The following ARHGEF5 variants were observed in gnomAD, a reference collection of about 807,000 sequenced individuals.
ARHGEF5 encodes Rho guanine nucleotide exchange factor (GEF) 5.
Under a neutral mutation model 104.0 loss-of-function variants are expected in ARHGEF5, and 11 were observed. That is an observed-to-expected ratio of 0.11 (90% confidence interval 0.07 to 0.18). The LOEUF (loss-of-function observed/expected upper bound fraction) is 0.18, where lower values mean the gene tolerates loss of function less well. Ranked by LOEUF, ARHGEF5 falls within the 10% of genes least tolerant of loss-of-function variation. The pLI is 1.00. For missense variants in ARHGEF5, 165 were observed against 1,335.4 expected (o/e 0.12, Z 13.66); for synonymous variants, 60 against 512.2 (o/e 0.12, Z 11.92).
intron 1 of ARHGEF5, among the ~76,000 whole-genome samples, chr7:144,360,355 C>T (rs1250390005): frequency 9.8e-6 from 1 of 101,974 alleles, no homozygotes; most frequent in Non-Finnish European, 2.1e-5. Context: ...AAGCAATCAA[C>T]CTGCCTCAGC....
rs200973815 is a variant in ARHGEF5 at position 144,378,865 on chromosome 7, C to T, written c.4635C>T (p.Asp1545=). The part of the protein sequence containing the change: ...DVVMVTQQSS[D]GWLEGVRLSD... ...TGATGGTGACTCAGCAGAGCAGTGACGGTAAGCGGGAGCATGCGTGAGCAG... is the reference window on the plus strand; with the variant it reads ...TGATGGTGACTCAGCAGAGCAGTGATGGTAAGCGGGAGCATGCGTGAGCAG... The change falls in exon 14 of 15, where the codon GAC becomes GAT. Residue 1545 remains aspartate, a splice_region_variant and synonymous_variant. Coordinates refer to ENST00000056217, the MANE Select transcript of ARHGEF5 (RefSeq NM_005435.4). 132 of 1,613,614 alleles carry T rather than the reference C, an allele frequency of 8.2e-5. No individual in the cohort carries two copies. The highest frequency in any genetic ancestry group is 1.1e-4 in the Non-Finnish European group (126 of 1,179,706).
At position 144,379,907 on chromosome 7, in the gene ARHGEF5, G is replaced by A. The variant is rs780850417; in HGVS notation, c.4645G>A (p.Glu1549Lys). Reference protein sequence around the residue: ...VTQQSSDGWLEGVRLSDGERG... With the variant: ...VTQQSSDGWLKGVRLSDGERG... ...TCACCCTGTGCCCACAGGCTGGCTGGAGGGCGTGAGGCTCTCAGACGGGGA... is the reference window on the plus strand; with the variant it reads ...TCACCCTGTGCCCACAGGCTGGCTGAAGGGCGTGAGGCTCTCAGACGGGGA... Residue 1549 changes from glutamate to lysine, a missense_variant, in exon 15 of 15, where the codon GAG becomes AAG. Coordinates refer to ENST00000056217, the MANE Select transcript of ARHGEF5 (RefSeq NM_005435.4). 1 of 1,614,188 alleles carries A rather than the reference G, an allele frequency of 6.2e-7. No homozygotes were observed. Among genetic ancestry groups the A allele is most frequent in the East Asian group, 2.2e-5 (1 of 44,874 alleles).
At chr7:144,379,761 A>C in intron 14 of ARHGEF5, 138 bp from the exon 15 acceptor site, 1 of 1,139,180 alleles carries the variant, frequency 8.8e-7, no homozygotes, top group Non-Finnish European at 1.3e-6. Context: ...ATGTTAGGAC[A>C]CTTGGAGGCT....
intron 14 of ARHGEF5, among the ~76,000 whole-genome samples, chr7:144,379,618 C>T (rs2053785950): frequency 6.6e-6 from 1 of 152,124 alleles, no homozygotes; most frequent in Non-Finnish European, 1.5e-5. Context: ...AACCTCATTC[C>T]CCATAAGGTC....
rs1208133872 is a variant in ARHGEF5, at chr7:144,380,106, A to G, written c.*50A>G. The G allele has an allele frequency of 3.1e-6, 5 of 1,610,614 alleles. No homozygotes were observed. The East Asian group carries it at 8.9e-5, about 29-fold the overall frequency. On this transcript the variant is annotated 3_prime_UTR_variant, in exon 15 of 15. Transcript: ENST00000056217. ...AGCTGAAGAACAAGCTGCTCATGGC[A>G]AGGGCTGGCCCCAGAACCCTGCAAG...
At chr7:144,370,577 C>T (rs1398994559) in intron 5 of ARHGEF5, among the ~76,000 whole-genome samples, 15 of 150,578 alleles carry the variant, frequency 1.0e-4, no homozygotes, top group African/African-American at 2.9e-4. Context: ...GCAATCCTTC[C>T]GCCTCAGCCT....
At position 144,377,303 on chromosome 7, in the gene ARHGEF5, G is replaced by A. The variant is rs373697388; in HGVS notation, c.4531+113G>A. 2.8e-5 allele frequency: 43 copies of A among 1,530,874 alleles called. No individual in the cohort carries two copies. In the East Asian group the frequency reaches 5.0e-4, roughly 18 times the overall value. 94.8% of individuals were successfully genotyped at this position (1,530,874 alleles called of 1,614,324 possible). ...CTAGGCTTTCATTTATTGATATTCC[G>A]TAAAATGTCAGGGTGGAAGATTGGC... On this transcript the variant is annotated intron_variant, in intron 13 of 14. Transcript: ENST00000056217.
rs1016475493 is a variant in ARHGEF5, at chr7:144,380,276, C to A, written c.*220C>A. The A allele has an allele frequency of 3.9e-6, 2 of 511,338 alleles. No individual in the cohort carries two copies. Among genetic ancestry groups the A allele is most frequent in the East Asian group, 3.3e-5 (1 of 30,728 alleles). 31.7% of individuals were successfully genotyped at this position (511,338 alleles called of 1,614,324 possible). A position where few individuals can be genotyped will look rare whatever the true frequency, so the allele number is the denominator to read the frequency against. ...GGGACTTTGCACTGGACTCTGGGAA[C>A]CTTTCATCATTAAAAAAAGGGGGAC... On this transcript the variant is annotated 3_prime_UTR_variant, in exon 15 of 15. Coordinates refer to ENST00000056217, the MANE Select transcript of ARHGEF5 (RefSeq NM_005435.4).
At chr7:144,377,278 C>T in intron 13 of ARHGEF5, 88 bp downstream of exon 13, 1 of 1,551,888 alleles carries the variant, frequency 6.4e-7, no homozygotes, top group Non-Finnish European at 8.7e-7. Context: ...GGTGGGAACT[C>T]TAGGCTTTCA....
rs2053767978 is a variant in ARHGEF5, at chr7:144,377,304, T to C, written c.4531+114T>C. 4 of 1,532,618 alleles carry C rather than the reference T, an allele frequency of 2.6e-6. No homozygotes were observed. In the South Asian group the frequency reaches 4.9e-5, roughly 19 times the overall value. The allele number at this position is 1,532,618 out of a possible 1,614,324, so 94.9% of individuals were successfully genotyped here. ...TAGGCTTTCATTTATTGATATTCCG[T>C]AAAATGTCAGGGTGGAAGATTGGCC... is the stretch of plus-strand genomic sequence containing the variant. On this transcript the variant is annotated intron_variant, in intron 13 of 14. Transcript: ENST00000056217.
At chr7:144,378,418 G>A (rs1481598376) in intron 13 of ARHGEF5, among the ~76,000 whole-genome samples, 1 of 152,156 alleles carries the variant, frequency 6.6e-6, no homozygotes, top group Non-Finnish European at 1.5e-5. Flanking sequence ...TAAATGCCTT[G>A]GCATGAACAA....
In ARHGEF5 at chr7:144,378,882, C is replaced by T. The variant is rs764128621; in HGVS notation, c.4636+16C>T. 141 of 1,609,576 alleles carry T rather than the reference C, an allele frequency of 8.8e-5. No individual in the cohort carries two copies. Among genetic ancestry groups the T allele is most frequent in the Middle Eastern group, 1.6e-4 (1 of 6,074 alleles). On this transcript the variant is annotated intron_variant, in intron 14 of 14. Coordinates refer to ENST00000056217, the MANE Select transcript of ARHGEF5 (RefSeq NM_005435.4). ...AGCAGTGACGGTAAGCGGGAGCATG[C>T]GTGAGCAGCAGGCCAGGCACTGCAG... is the stretch of plus-strand genomic sequence containing the variant.
At chr7:144,379,030 C>A (rs1374596714) in intron 14 of ARHGEF5, among the ~76,000 whole-genome samples, 164 bp downstream of exon 14, 1 of 152,178 alleles carries the variant, frequency 6.6e-6, no homozygotes, top group Non-Finnish European at 1.5e-5. Context: ...AGTCCCAAAT[C>A]AAGGTGTGGG....
At chr7:144,361,150 C>T (rs2053635708) in intron 1 of ARHGEF5, among the ~76,000 whole-genome samples, 1 of 139,668 alleles carries the variant, frequency 7.2e-6, no homozygotes, top group Admixed American at 7.2e-5. Flanking sequence ...ATGGCTTGAA[C>T]CCGGAGATGG....
intron 14 of ARHGEF5, 132 bp from the exon 15 acceptor site, chr7:144,379,767 A>C (rs1204552105): frequency 2.5e-6 from 3 of 1,201,162 alleles, no homozygotes; most frequent in Non-Finnish European, 3.5e-6. Context: ...GGACACTTGG[A>C]GGCTGGGTTT....
At chr7:144,379,522 C>G (rs2053785270) in intron 14 of ARHGEF5, among the ~76,000 whole-genome samples, 2 of 152,172 alleles carry the variant, frequency 1.3e-5, no homozygotes, top group Non-Finnish European at 2.9e-5. Context: ...AGTTTTCCTC[C>G]TTTATATAGA....
intron 13 of ARHGEF5, among the ~76,000 whole-genome samples, chr7:144,377,557 C>A (rs2053770009): frequency 6.6e-6 from 1 of 152,036 alleles, no homozygotes; most frequent in Non-Finnish European, 1.5e-5. Context: ...GAGGATAGCA[C>A]CCCAGATCTA....
intron 1 of ARHGEF5, among the ~76,000 whole-genome samples, chr7:144,358,799 G>GTT (rs1554441592): frequency 7.6e-6 from 1 of 131,144 alleles, no homozygotes; most frequent in African/African-American, 2.8e-5. Flanking sequence ...GTGTGTGTGT[G>GTT]TGTACACACA....
chr7:144,379,670 T>A (rs576758485), intron 14 of ARHGEF5, among the ~76,000 whole-genome samples: 2 of 152,118 alleles, frequency 1.3e-5, no homozygotes, highest in Non-Finnish European at 2.9e-5. Context: ...ACATAAATGT[T>A]AGGAGGGACA....
Sources: allele counts gnomAD v4.1 joint callset (sites outside exome capture counted in the v4.1 genomes callset), GRCh38; gene constraint gnomAD v4.1.1; transcripts MANE v1.5; gene names NCBI Gene and HGNC (gene_info 2026-07-23, HGNC 2026-07-21).